Variants in BCL3 observed in about 807,000 individuals in gnomAD.
BCL3 encodes the protein BCL3 transcription coactivator.
Under a neutral mutation model 35.7 loss-of-function variants are expected in BCL3, and 15 were observed. The ratio of observed to expected loss-of-function variants is 0.42; its 90% CI spans 0.28 to 0.65. BCL3 has a LOEUF of 0.65. BCL3 is among the 30% of genes least tolerant of loss of function. The pLI, the probability that BCL3 is intolerant of heterozygous loss-of-function variation, is 0.22. For synonymous variants in BCL3, 311 were observed against 284.3 expected, an observed-to-expected ratio of 1.09 and a Z score of -0.95; for missense variants, 565 against 641.7, an observed-to-expected ratio of 0.88 and a Z score of 1.29.
Position 44,748,953 on chromosome 19 carries a change from G to A in BCL3, c.163G>A (p.Val55Ile). ...TCCCCGCGGCGCTGCGGGCCTTGTC[G>A]TCCCCCTGGACCCTCTGCGCGGCGG... is the stretch of plus-strand genomic sequence containing the variant. ...AAPRGAAGLV[V>I]PLDPLRGGCD... is the part of the protein sequence containing the mutation. The change falls in exon 1 of 9, where the codon GTC becomes ATC. Residue 55 changes from valine to isoleucine, a missense_variant. This residue lies in a region of BCL3 where 267 missense variants were observed against 281.5 expected (regional missense o/e 0.95). Coordinates refer to ENST00000164227, the MANE Select transcript of BCL3 (RefSeq NM_005178.5). The A allele has an allele frequency of 7.9e-7, 1 of 1,260,044 alleles. No homozygotes were observed. The highest frequency in any genetic ancestry group is 1.0e-6 in the Non-Finnish European group (1 of 999,220). The allele number at this position is 1,260,044 out of a possible 1,614,324, so 78.1% of individuals were successfully genotyped here.
At chr19:44,751,927 G>A (rs112577408) in intron 2 of BCL3, among the ~76,000 whole-genome samples, 2,509 of 152,224 alleles carry the variant, frequency 0.016, 63 homozygotes, top group African/African-American at 0.056. Flanking sequence ...TGGAACGGTG[G>A]TCTTTAGATA....
chr19:44,753,835 G>T (rs1235965684), intron 2 of BCL3, among the ~76,000 whole-genome samples: 3 of 137,774 alleles, frequency 2.2e-5, no homozygotes, highest in East Asian at 2.6e-4. Context: ...GGGCGGGGGG[G>T]GGGGGTGATG....
Position 44,748,925 on chromosome 19 carries a change from C to G in BCL3, c.135C>G (p.Ala45=). The change falls in exon 1 of 9, where the codon GCC becomes GCG. Residue 45 remains alanine, a synonymous_variant. Transcript: ENST00000164227. ...TGCGCGCGCCCTCCCCGGAGCCCGC[C>G]GCTCCCCGCGGCGCTGCGGGCCTTG... ...RPLRAPSPEP[A]APRGAAGLVV... 1 of 1,183,746 alleles carries G rather than the reference C, an allele frequency of 8.4e-7. No homozygotes were observed. The highest frequency in any genetic ancestry group is 1.0e-6 in the Non-Finnish European group (1 of 957,542). 73.3% of individuals were successfully genotyped at this position (1,183,746 alleles called of 1,614,324 possible).
In BCL3 at chr19:44,758,959, G is replaced by GACCCAGGAATCCCA. The variant is rs1224877045; in HGVS notation, c.1177+124_1177+137dup. 31 of 870,950 alleles carry GACCCAGGAATCCCA rather than the reference G, an allele frequency of 3.6e-5. No individual in the cohort carries two copies. In the East Asian group the frequency reaches 8.8e-4, roughly 25 times the overall value. 54.0% of individuals were successfully genotyped at this position (870,950 alleles called of 1,614,324 possible). On this transcript the variant is annotated intron_variant, in intron 8 of 8. Coordinates refer to ENST00000164227, the MANE Select transcript of BCL3 (RefSeq NM_005178.5). ...TCCAGGCCCCTAGCCTCCTCCCTCTGACCCAGGAATCCCAACCCATAGCCC... is the reference window on the plus strand; with the variant it reads ...TCCAGGCCCCTAGCCTCCTCCCTCTGACCCAGGAATCCCAACCCAGGAATCCCAACCCATAGCCC...
intron 2 of BCL3, among the ~76,000 whole-genome samples, chr19:44,754,727 C>T (rs1967250073): frequency 6.6e-6 from 1 of 152,198 alleles, no homozygotes; most frequent in Admixed American, 6.5e-5. Context: ...GGGACCCCGG[C>T]CCCTCCCTCA....
At chr19:44,751,479 G>A (rs937101638) in intron 2 of BCL3, 99 bp downstream of exon 2, 30 of 1,277,706 alleles carry the variant, frequency 2.3e-5, no homozygotes, top group Admixed American at 9.1e-5. Context: ...GTCAGAACTC[G>A]GTCTCCACCA....
Position 44,757,192 on chromosome 19 carries a change from C to T in BCL3, c.695C>T (p.Thr232Met), listed in dbSNP as rs1372393303. The change falls in exon 4 of 9, where the codon ACG (threonine) becomes ATG (methionine). Residue 232 changes from threonine to methionine, a missense_variant. Coordinates refer to ENST00000164227, the MANE Select transcript of BCL3 (RefSeq NM_005178.5). The surrounding 1 kb of genome is among the most constrained non-coding windows in gnomAD (Gnocchi z 8.4). ...RALLDSAAPG[T>M]LDLEARNYDG... is the part of the protein sequence containing the mutation. ...CTGCTGGACAGCGCAGCTCCGGGCA[C>T]GTTGGACCTGGAGGCCCGCAATTAT... 1.3e-6 allele frequency: 2 copies of T among 1,564,446 alleles called. No homozygotes were observed. The highest frequency in any genetic ancestry group is 1.7e-6 in the Non-Finnish European group (2 of 1,152,094).
intron 8 of BCL3, 54 bp from the exon 9 acceptor site, chr19:44,759,374 C>G: frequency 7.0e-7 from 1 of 1,430,656 alleles, no homozygotes. Flanking sequence ...CCAGCCCCTG[C>G]TCTCTGGGTC....
intron 1 of BCL3, 94 bp downstream of exon 1, chr19:44,749,140 T>C (rs1462014597): frequency 1.8e-6 from 1 of 562,896 alleles, no homozygotes; most frequent in Non-Finnish European, 2.5e-6. Context: ...CAAACCGGTG[T>C]CTCTCCAGGG....
upstream of BCL3, chr19:44,748,200 A>T (rs1967101663): frequency 4.7e-6 from 3 of 632,254 alleles, no homozygotes; most frequent in South Asian, 5.3e-5. Flanking sequence ...AGAAGCAGAC[A>T]GCAACTGAGA....
chr19:44,752,080 A>G (rs1287808773), intron 2 of BCL3, among the ~76,000 whole-genome samples: 1 of 80,838 alleles, frequency 1.2e-5, no homozygotes, highest in Non-Finnish European at 2.1e-5. Context: ...CAAACCCAGC[A>G]CACACACACA....
intron 2 of BCL3, among the ~76,000 whole-genome samples, chr19:44,754,979 G>T (rs1967254228): frequency 1.3e-5 from 2 of 152,252 alleles, no homozygotes; most frequent in Non-Finnish European, 2.9e-5. Context: ...GTTTAAACTG[G>T]ATTCTAGAGA....
At chr19:44,747,796 C>T (rs1302878020), upstream of BCL3, 1 of 1,087,154 alleles carries the variant, frequency 9.2e-7, no homozygotes, top group Non-Finnish European at 1.1e-6. Context: ...CTCTCAAGAT[C>T]TCTGCGCCTG....
In BCL3 at chr19:44,751,279, G is replaced by T; in HGVS notation, c.309G>T (p.Leu103=). 1.9e-6 allele frequency: 3 copies of T among 1,611,084 alleles called. No individual in the cohort carries two copies. Among genetic ancestry groups the T allele is most frequent in the Non-Finnish European group, 2.5e-6 (3 of 1,178,868 alleles). Residue 103 remains leucine (L), a synonymous_variant, in exon 2 of 9, where the codon CTG becomes CTT. Transcript: ENST00000164227. ...GGGCCATGGGCTCCCCGTTTCCTCTGGTGAACCTGCCTACACCCCTATACC... is the reference window on the plus strand; with the variant it reads ...GGGCCATGGGCTCCCCGTTTCCTCTTGTGAACCTGCCTACACCCCTATACC... The part of the protein sequence containing the change: ...PTRAMGSPFP[L]VNLPTPLYPM...
At chr19:44,748,594 G>A, upstream of BCL3, 2 of 523,502 alleles carry the variant, frequency 3.8e-6, no homozygotes, top group Non-Finnish European at 5.0e-6. Flanking sequence ...GGGAGCAGCG[G>A]CGGGTCCAGG....
chr19:44,755,394 G>A (rs1326387744), intron 2 of BCL3: 2 of 152,262 alleles, frequency 1.3e-5, no homozygotes, highest in Non-Finnish European at 2.9e-5. Flanking sequence ...GCATTAACCA[G>A]TGACTGGATG....
chr19:44,759,649 GA>G lies in BCL3; in HGVS notation c.*35del. On this transcript the variant is annotated 3_prime_UTR_variant, in exon 9 of 9. Transcript: ENST00000164227. ...GGGGGGCAGATCTTGGACTCATGAG[GA>G]GGGGCCCCCCTGCCCTGTGGGGTCA... 6.5e-7 allele frequency: 1 copy of G among 1,545,918 alleles called. No individual in the cohort carries two copies. Among genetic ancestry groups the G allele is most frequent in the South Asian group, 1.2e-5 (1 of 85,126 alleles).
chr19:44,753,126 C>A (rs1254282127), intron 2 of BCL3, among the ~76,000 whole-genome samples: 1 of 152,188 alleles, frequency 6.6e-6, no homozygotes, highest in African/African-American at 2.4e-5. Context: ...GTGCTCAATG[C>A]ATGGAAATGG....
At chr19:44,758,446 C>T (rs768349474) in intron 7 of BCL3, 33 bp downstream of exon 7, 1 of 1,527,646 alleles carries the variant, frequency 6.5e-7, no homozygotes, top group South Asian at 1.2e-5. Flanking sequence ...ATGCCCCTTG[C>T]ACACGTGTGT....
Sources: allele counts gnomAD v4.1 joint callset (sites outside exome capture counted in the v4.1 genomes callset), GRCh38; gene constraint gnomAD v4.1.1; regional missense constraint gnomAD v4.1.1; non-coding constraint Gnocchi (gnomAD v3.1); transcripts MANE v1.5; gene names NCBI Gene and HGNC (gene_info 2026-07-23, HGNC 2026-07-21).